EML4: variants seen among roughly 807,000 people sequenced by gnomAD.
EML4 encodes EMAP like 4, also known as echinoderm microtubule-associated protein-like 4.
Under a neutral mutation model 129.0 loss-of-function variants are expected in EML4, and 72 were observed. The observed-to-expected ratio is 0.56, with a 90% CI of 0.46 to 0.68. EML4 has a LOEUF of 0.68. Ranked by LOEUF, EML4 falls within the 30% of genes least tolerant of loss-of-function variation. The pLI is 0.00. For missense variants in EML4, 1,363 were observed against 1,190.6 expected (o/e 1.14, Z -2.13); for synonymous variants, 532 against 405.0 (o/e 1.31, Z -3.77).
At chr2:42,214,710 G>C (rs912523018) in intron 1 of EML4, among the ~76,000 whole-genome samples, 1 of 152,150 alleles carries the variant, frequency 6.6e-6, no homozygotes, top group African/African-American at 2.4e-5. Flanking sequence ...CCTTTTGCAT[G>C]TCTGGTGCGT....
chr2:42,264,542 C>T (rs1665944142), intron 5 of EML4, among the ~76,000 whole-genome samples, 164 bp from the exon 6 acceptor site: 1 of 152,122 alleles, frequency 6.6e-6, no homozygotes, highest in South Asian at 2.1e-4. Flanking sequence ...ATTAGTAGTT[C>T]ATCAGTGAGA....
chr2:42,172,217 A>C (rs1252309961), intron 1 of EML4, among the ~76,000 whole-genome samples: 5 of 152,200 alleles, frequency 3.3e-5, no homozygotes, highest in African/African-American at 1.2e-4. Flanking sequence ...TAAGCAGAAA[A>C]ATTGAGTACT....
chr2:42,199,973 T>C (rs1244944001), intron 1 of EML4, among the ~76,000 whole-genome samples: 1 of 152,074 alleles, frequency 6.6e-6, no homozygotes, highest in Non-Finnish European at 1.5e-5. Flanking sequence ...CATTCCTTAA[T>C]GAGATGAACA....
chr2:42,227,598 C>T (rs1215259364), intron 1 of EML4, among the ~76,000 whole-genome samples: 5 of 151,756 alleles, frequency 3.3e-5, no homozygotes, highest in Non-Finnish European at 7.4e-5. Flanking sequence ...ACAGTTGACC[C>T]TTGAACAACA....
In EML4 at chr2:42,257,698, G is replaced by A. The variant is rs187096236; in HGVS notation, c.338+1068G>A. 9.5e-4 allele frequency among the ~76,000 whole-genome samples: 144 copies of A among 152,200 alleles called. No individual in the cohort carries two copies. The Middle Eastern group carries it at 0.024, about 25-fold the overall frequency. On this transcript the variant is annotated intron_variant, in intron 3 of 22. Coordinates refer to ENST00000318522, the MANE Select transcript of EML4 (RefSeq NM_019063.5). ...AAAAATACAAAAAAAATAGCCAGGC[G>A]TGGTGGCAGGTGTCTGTAGTCGCAG... is the stretch of plus-strand genomic sequence containing the variant.
chr2:42,212,176 A>G (rs759773546), intron 1 of EML4, among the ~76,000 whole-genome samples: 2 of 152,142 alleles, frequency 1.3e-5, no homozygotes, highest in Non-Finnish European at 2.9e-5. Flanking sequence ...AAATATATGT[A>G]ATGGCTTTCT....
chr2:42,267,742 T>G (rs1490990721), intron 6 of EML4, among the ~76,000 whole-genome samples: 1 of 152,220 alleles, frequency 6.6e-6, no homozygotes, highest in Non-Finnish European at 1.5e-5. Flanking sequence ...GGGCAGGTTA[T>G]GCCACTAAAA....
chr2:42,264,834 T>G, intron 6 of EML4, 103 bp downstream of exon 6: 1 of 1,424,724 alleles, frequency 7.0e-7, no homozygotes, highest in Non-Finnish European at 9.7e-7. Flanking sequence ...CAGTTCATAG[T>G]AATCAAAGAA....
rs200645173 is a variant in EML4, at chr2:42,284,657, T to A, written c.965T>A (p.Ile322Asn). ...AGCCTTGCTATACATCCTGACAAAATTAGGATTGCAACTGGACAGATAGCT... is the reference window on the plus strand; with the variant it reads ...AGCCTTGCTATACATCCTGACAAAAATAGGATTGCAACTGGACAGATAGCT... ...VKCLAIHPDK[I>N]RIATGQIAGV... Residue 322 changes from isoleucine to asparagine, a missense_variant, in exon 9 of 23, where the codon ATT becomes AAT. Ile to Asn is a moderately radical substitution (Grantham distance 149, BLOSUM62 -3). Coordinates refer to ENST00000318522, the MANE Select transcript of EML4 (RefSeq NM_019063.5). 1.9e-6 allele frequency: 3 copies of A among 1,612,698 alleles called. No homozygotes were observed. Among genetic ancestry groups the A allele is most frequent in the African/African-American group, 1.3e-5 (1 of 74,956 alleles).
Position 42,330,854 on chromosome 2 carries a change from C to T in EML4, c.*647C>T, listed in dbSNP as rs1251061746. On this transcript the variant is annotated 3_prime_UTR_variant, in exon 23 of 23. Transcript: ENST00000318522. ...GCCTTTTCTAAGTCATAATGAGGAA[C>T]AGTCCCTTAATTTCTTGTGTGCAAC... 9.6e-6 allele frequency: 2 copies of T among 208,412 alleles called. No individual in the cohort carries two copies. Among genetic ancestry groups the T allele is most frequent in the African/African-American group, 4.6e-5 (2 of 43,714 alleles). The allele number at this position is 208,412 out of a possible 1,614,324, so 12.9% of individuals were successfully genotyped here. A position where few individuals can be genotyped will look rare whatever the true frequency, so the allele number is the denominator to read the frequency against.
intron 1 of EML4, among the ~76,000 whole-genome samples, chr2:42,171,816 C>A (rs190493102): frequency 6.6e-6 from 1 of 152,062 alleles, no homozygotes; most frequent in Non-Finnish European, 1.5e-5. Context: ...TTTCTGTCCC[C>A]CTTGCAAGAG....
At chr2:42,265,501 A>G (rs1666009326) in intron 6 of EML4, among the ~76,000 whole-genome samples, 1 of 152,102 alleles carries the variant, frequency 6.6e-6, no homozygotes, top group South Asian at 2.1e-4. Context: ...CAGCCCCCCA[A>G]AATGCTGGGA....
At chr2:42,223,245 A>G (rs1041014271) in intron 1 of EML4, among the ~76,000 whole-genome samples, 1 of 152,020 alleles carries the variant, frequency 6.6e-6, no homozygotes, top group African/African-American at 2.4e-5. Flanking sequence ...AAGCATGTGT[A>G]TTTTTCATTT....
chr2:42,260,236 C>G (rs994151332), intron 3 of EML4, among the ~76,000 whole-genome samples: 15 of 152,062 alleles, frequency 9.9e-5, no homozygotes, highest in African/African-American at 3.6e-4. Flanking sequence ...GGTGCAATCT[C>G]CGCTCACTGC....
intron 2 of EML4, among the ~76,000 whole-genome samples, chr2:42,248,827 T>C (rs1337227197): frequency 6.6e-6 from 1 of 152,166 alleles, no homozygotes; most frequent in African/African-American, 2.4e-5. Context: ...GGGGTATTGA[T>C]TATATAATAA....
At chr2:42,203,566 A>G (rs910814129) in intron 1 of EML4, among the ~76,000 whole-genome samples, 5 of 151,920 alleles carry the variant, frequency 3.3e-5, no homozygotes, top group Admixed American at 6.6e-5. Flanking sequence ...GTTATACAAG[A>G]TGGCTAGTCT....
At chr2:42,199,854 A>G (rs1000036958) in intron 1 of EML4, among the ~76,000 whole-genome samples, 5 of 152,110 alleles carry the variant, frequency 3.3e-5, no homozygotes, top group African/African-American at 1.2e-4. Flanking sequence ...GGGAAGTGAA[A>G]GTCATCTATG....
At chr2:42,228,145 T>A (rs925808101) in intron 1 of EML4, among the ~76,000 whole-genome samples, 8 of 151,678 alleles carry the variant, frequency 5.3e-5, no homozygotes, top group African/African-American at 1.9e-4. Context: ...TGCTTGAGCC[T>A]GGGAGGCCAA....
chr2:42,196,540 A>G (rs1037493903), intron 1 of EML4, among the ~76,000 whole-genome samples: 11 of 152,196 alleles, frequency 7.2e-5, no homozygotes, highest in Admixed American at 5.9e-4. Flanking sequence ...CTGTGAGACT[A>G]TGATAAGAGT....
Sources: gnomAD v4.1 joint callset for allele counts (sites outside exome capture counted in the v4.1 genomes callset) on GRCh38, gnomAD v4.1.1 for gene constraint, MANE v1.5 for transcripts, NCBI Gene and HGNC (gene_info 2026-07-23, HGNC 2026-07-21) for gene names.